Variants in TPPP observed in about 807,000 individuals in gnomAD.
The protein encoded by TPPP is tubulin polymerization promoting protein.
A neutral mutation model predicts 15.5 loss-of-function variants in TPPP; 6 were observed. The observed-to-expected ratio is 0.39, with a 90% CI of 0.21 to 0.77. The LOEUF is 0.77. Ranked by LOEUF, TPPP falls within the 30% of genes least tolerant of loss-of-function variation. The probability of loss-of-function intolerance (pLI) is 0.42; values close to 1 mark genes in which losing one functional copy is unlikely to be tolerated. For synonymous variants in TPPP, 146 were observed against 133.9 expected (o/e 1.09, Z -0.63); for missense variants, 269 against 307.2 (o/e 0.88, Z 0.93).
In TPPP at chr5:665,042, C is replaced by G; in HGVS notation, c.*60G>C. 1 of 1,548,864 alleles carries G rather than the reference C, an allele frequency of 6.5e-7. No homozygotes were observed. Among genetic ancestry groups the G allele is most frequent in the Non-Finnish European group, 8.7e-7 (1 of 1,145,824 alleles). On this transcript the variant is annotated 3_prime_UTR_variant, in exon 4 of 4. Coordinates refer to ENST00000360578, the MANE Select transcript of TPPP (RefSeq NM_007030.3). The stretch of plus-strand genomic sequence containing the variant: ...GTTAGTACAGGAATGTAATGAAGTG[C>G]GAGGTGACAGAGTCCCTGCTCTGGG...
Position 665,123 on chromosome 5 carries a change from C to A in TPPP, c.639G>T (p.Gln213His). The A allele has an allele frequency of 1.2e-6, 2 of 1,611,914 alleles. No homozygotes were observed. Among genetic ancestry groups the A allele is most frequent in the East Asian group, 2.2e-5 (1 of 44,884 alleles). The change falls in exon 4 of 4, where the codon CAG becomes CAT. Residue 213 changes from glutamine to histidine, a missense_variant. Coordinates refer to ENST00000360578, the MANE Select transcript of TPPP (RefSeq NM_007030.3). ...SGYKHAGTYD[Q>H]KVQGGK The stretch of plus-strand genomic sequence containing the variant: ...GGGGCTACTTGCCCCCTTGCACCTT[C>A]TGGTCGTAGGTGCCTGCGTGCTTGT...
Position 659,959 on chromosome 5 carries a change from T to G in TPPP, c.*5143A>C, listed in dbSNP as rs1739511574. 6.6e-6 allele frequency: 1 copy of G among 152,350 alleles called. No homozygotes were observed. Among genetic ancestry groups the G allele is most frequent in the African/African-American group, 2.4e-5 (1 of 41,454 alleles). The allele number at this position is 152,350 out of a possible 1,614,324, so 9.4% of individuals were successfully genotyped here. A position where few individuals can be genotyped will look rare whatever the true frequency, so the allele number is the denominator to read the frequency against. On this transcript the variant is annotated 3_prime_UTR_variant, in exon 4 of 4. Coordinates refer to ENST00000360578, the MANE Select transcript of TPPP (RefSeq NM_007030.3). ...CAGTGTGCACACAGACACGAGCTGT[T>G]TCACTACAGGTTTGCAAGCCAGGCT...
chr5:672,742 G>C (rs999292894), intron 2 of TPPP, among the ~76,000 whole-genome samples: 1 of 152,236 alleles, frequency 6.6e-6, no homozygotes, highest in Non-Finnish European at 1.5e-5. Flanking sequence ...CCCGTGGTCC[G>C]GTCCCGCCTG....
rs1474399057 is a variant in TPPP, at chr5:666,031, T to A, written c.404A>T (p.Glu135Val). 8.1e-6 allele frequency: 13 copies of A among 1,601,214 alleles called. No homozygotes were observed. Among genetic ancestry groups the A allele is most frequent in the Non-Finnish European group, 1.1e-5 (13 of 1,174,148 alleles). ...GAGCCTGTGCACCTCGCGAACGGCC[T>A]CCTCGCTGCTCTTGTCTTTGAATCG... ...KKRFKDKSSE[E>V]AVREVHRLIE... The change falls in exon 3 of 4, where the codon GAG becomes GTG. Residue 135 changes from glutamate (E) to valine (V), a missense_variant. By Grantham distance (121) the Glu-to-Val change is moderately radical. Coordinates refer to ENST00000360578, the MANE Select transcript of TPPP (RefSeq NM_007030.3).
At chr5:668,456 A>G (rs893227660) in intron 2 of TPPP, among the ~76,000 whole-genome samples, 3 of 133,404 alleles carry the variant, frequency 2.2e-5, no homozygotes, top group Non-Finnish European at 5.2e-5. Flanking sequence ...GCGGACAAGC[A>G]CACGGAGAGG....
intron 2 of TPPP, among the ~76,000 whole-genome samples, chr5:676,906 C>T (rs941784406): frequency 3.9e-4 from 53 of 134,570 alleles, no homozygotes; most frequent in Non-Finnish European, 6.3e-4. Context: ...CGCGCACGCG[C>T]GCATACACGA....
intron 2 of TPPP, 91 bp from the exon 3 acceptor site, chr5:666,214 G>A: frequency 7.0e-7 from 1 of 1,438,278 alleles, no homozygotes; most frequent in South Asian, 1.3e-5. Context: ...GGACAGCCAT[G>A]GCCCAGCAGC....
chr5:684,262 G>T (rs1354343670), intron 1 of TPPP, among the ~76,000 whole-genome samples: 1 of 152,228 alleles, frequency 6.6e-6, no homozygotes, highest in South Asian at 2.1e-4. Flanking sequence ...GGGACCAGGG[G>T]GAAGCAGCCC....
At chr5:676,894 AACGCGCACGCGCGC>A (rs1740458904) in intron 2 of TPPP, among the ~76,000 whole-genome samples, 2 of 122,296 alleles carry the variant, frequency 1.6e-5, no homozygotes, top group African/African-American at 1.0e-4. Context: ...ACGACGCAGA[AACGCGCACGCGCGC>A]ATACACGACG....
chr5:683,176 C>T (rs60304829), intron 1 of TPPP, among the ~76,000 whole-genome samples: 26 of 152,188 alleles, frequency 1.7e-4, no homozygotes, highest in Non-Finnish European at 2.5e-4. Context: ...GGTAGGACAG[C>T]TGCTTGTGCC....
chr5:665,442 C>A (rs1739856505), intron 3 of TPPP, 146 bp from the exon 4 acceptor site: 1 of 750,988 alleles, frequency 1.3e-6, no homozygotes, highest in Non-Finnish European at 2.1e-6. Context: ...CCTTTTAATT[C>A]TTATTTTTAC....
chr5:694,528 G>A (rs1427987474), upstream of TPPP, among the ~76,000 whole-genome samples: 4 of 116,792 alleles, frequency 3.4e-5, no homozygotes, highest in East Asian at 2.3e-4. Flanking sequence ...CTCACAGCCC[G>A]GCGGCTTGGC....
intron 1 of TPPP, among the ~76,000 whole-genome samples, chr5:684,346 G>A (rs1367763135): frequency 6.6e-6 from 1 of 152,200 alleles, no homozygotes; most frequent in South Asian, 2.1e-4. Context: ...GCAGGGCTGA[G>A]GAGAAAGTCT....
intron 2 of TPPP, among the ~76,000 whole-genome samples, chr5:671,370 T>C (rs1740218030): frequency 6.6e-6 from 1 of 151,716 alleles, no homozygotes; most frequent in South Asian, 2.1e-4. Flanking sequence ...GGCCCGACCT[T>C]CTCTAGGGGG....
rs1561074365 is a variant in TPPP, at chr5:661,312, T to TCTCCTGG, written c.*3789_*3790insCCAGGAG. 6.7e-4 allele frequency: 37 copies of TCTCCTGG among 55,200 alleles called. No homozygotes were observed. The highest frequency in any genetic ancestry group is 2.0e-3 in the African/African-American group (35 of 17,080). The allele number at this position is 55,200 out of a possible 1,614,324, so 3.4% of individuals were successfully genotyped here. On this transcript the variant is annotated 3_prime_UTR_variant, in exon 4 of 4. Coordinates refer to ENST00000360578, the MANE Select transcript of TPPP (RefSeq NM_007030.3). ...CGACAGAACCTGTCCCTGTCTCCTC[T>TCTCCTGG]TGTCACCCCCAACAGAACCTGTCCC...
chr5:685,484 G>C (rs1458891081), intron 1 of TPPP, among the ~76,000 whole-genome samples: 1 of 152,216 alleles, frequency 6.6e-6, no homozygotes, highest in East Asian at 1.9e-4. Flanking sequence ...GCAGGACAGG[G>C]CAGGCTTTGC....
At chr5:688,633 C>G (rs1411673401) in intron 1 of TPPP, among the ~76,000 whole-genome samples, 1 of 150,592 alleles carries the variant, frequency 6.6e-6, no homozygotes, top group East Asian at 1.9e-4. Context: ...TCCCAGCAGG[C>G]GGCCTGGGGA....
intron 2 of TPPP, among the ~76,000 whole-genome samples, chr5:672,989 A>G (rs1197738571): frequency 3.3e-5 from 5 of 152,218 alleles, no homozygotes; most frequent in Admixed American, 1.3e-4. Context: ...AGCCATGGCA[A>G]CCTGCCCTGA....
chr5:675,021 C>T (rs1445153267), intron 2 of TPPP, among the ~76,000 whole-genome samples: 73 of 68,618 alleles, frequency 1.1e-3, no homozygotes, highest in African/African-American at 3.3e-3. Context: ...ACAGTGTGGC[C>T]GGGGGAGCAG....
Sources: gnomAD v4.1 joint callset for allele counts (sites outside exome capture counted in the v4.1 genomes callset) on GRCh38, gnomAD v4.1.1 for gene constraint, MANE v1.5 for transcripts, NCBI Gene and HGNC (gene_info 2026-07-23, HGNC 2026-07-21) for gene names.